The following SLC44A5 variants were observed in gnomAD, a reference collection of about 807,000 sequenced individuals.
The protein encoded by SLC44A5 is choline transporter-like protein 5.
Under a neutral mutation model 101.8 loss-of-function variants are expected in SLC44A5, and 57 were observed. The ratio of observed to expected loss-of-function variants is 0.56; its 90% CI spans 0.45 to 0.70. The LOEUF is 0.70. Among genes scored for constraint, SLC44A5 ranks in the 30% least tolerant of loss-of-function variants. SLC44A5 has a pLI of 0.00. For synonymous variants in SLC44A5, 281 were observed against 290.9 expected (o/e 0.97, Z 0.35); for missense variants, 737 against 853.1 (o/e 0.86, Z 1.70).
At chr1:75,330,966 CTTTT>C (rs71071941) in intron 4 of SLC44A5, among the ~76,000 whole-genome samples, 8 of 136,066 alleles carry the variant, frequency 5.9e-5, no homozygotes, top group Non-Finnish European at 3.2e-5. Context: ...AACTTTCTCT[CTTTT>C]TTTTTTTTTT....
Position 75,219,883 on chromosome 1 carries a change from TC to T in SLC44A5, c.1094del (p.Gly365AspfsTer7), listed in dbSNP as rs1360455402. 6.2e-7 allele frequency: 1 copy of T among 1,601,498 alleles called. No homozygotes were observed. Among genetic ancestry groups the T allele is most frequent in the Admixed American group, 1.7e-5 (1 of 58,864 alleles). ...GATAGACTAATGTACTAGGAACATA[TC>T]CAATGGCTCTGAAATAAAACAAATA... ...ILLKEGSKAI[G>X]YVPSTLVYPA... On this transcript the variant is annotated frameshift_variant, in exon 15 of 24. Transcript: ENST00000370859. LOFTEE classifies it high-confidence loss of function.
intron 7 of SLC44A5, among the ~76,000 whole-genome samples, chr1:75,249,083 T>C (rs1034919747): frequency 1.3e-5 from 2 of 152,088 alleles, no homozygotes; most frequent in Admixed American, 1.3e-4. Flanking sequence ...TTATTAATAC[T>C]GGAAAGGTCA....
chr1:75,608,333 G>GTGTGTGTGTGTGTGTGTGT (rs751818456), intron 1 of SLC44A5, among the ~76,000 whole-genome samples: 1 of 148,268 alleles, frequency 6.7e-6, no homozygotes, highest in Non-Finnish European at 1.5e-5. Flanking sequence ...TGAGGGGTAT[G>GTGTGTGTGTGTGTGTGTGT]TGTGTGTGTG....
At chr1:75,527,897 T>A (rs1020151785) in intron 2 of SLC44A5, among the ~76,000 whole-genome samples, 1 of 152,200 alleles carries the variant, frequency 6.6e-6, no homozygotes, top group Non-Finnish European at 1.5e-5. Context: ...ATTTTCCCCC[T>A]TTGCTCTTTC....
intron 1 of SLC44A5, among the ~76,000 whole-genome samples, chr1:75,563,231 G>A (rs565258842): frequency 5.6e-4 from 85 of 152,214 alleles, no homozygotes; most frequent in African/African-American, 1.9e-3. Context: ...AGTGGGAAAT[G>A]TAAAACTAAA....
chr1:75,661,589 A>C, the SLC44A5 span, among the ~76,000 whole-genome samples: 1 of 152,004 alleles, frequency 6.6e-6, no homozygotes, highest in African/African-American at 2.4e-5. Flanking sequence ...GAATGGGAGA[A>C]AATGTTTGCA....
At chr1:75,662,255 AG>A in the SLC44A5 span, among the ~76,000 whole-genome samples, 1 of 152,124 alleles carries the variant, frequency 6.6e-6, no homozygotes, top group African/African-American at 2.4e-5. Context: ...AGGCACTAAA[AG>A]ACACATATTG....
At position 75,276,232 on chromosome 1, in the gene SLC44A5, C is replaced by T. The variant is rs143407026; in HGVS notation, c.176-1190G>A. ...GACTCATTCGGGTAGCTCTCAGCTG[C>T]CGTATCTTCCCGTCTCTATTTCCCA... On this transcript the variant is annotated intron_variant, in intron 5 of 23. Transcript: ENST00000370859. 1.2e-3 allele frequency among the ~76,000 whole-genome samples: 182 copies of T among 152,170 alleles called. 3 individuals carry two copies. The highest frequency in any genetic ancestry group is 4.2e-3 in the African/African-American group (174 of 41,516).
chr1:75,214,083 G>T (rs998830752), intron 20 of SLC44A5, 94 bp from the exon 21 acceptor site: 1 of 786,788 alleles, frequency 1.3e-6, no homozygotes. Flanking sequence ...GTTTATTTTG[G>T]TGTGTCTTTG....
chr1:75,459,382 AC>A (rs1472154205), intron 2 of SLC44A5, among the ~76,000 whole-genome samples: 1 of 152,230 alleles, frequency 6.6e-6, no homozygotes, highest in Admixed American at 6.5e-5. Flanking sequence ...CTGAGCCTTG[AC>A]AAATGTACAT....
In SLC44A5 at chr1:75,446,484, A is replaced by C. The variant is rs182886191; in HGVS notation, c.14-49863T>G. On this transcript the variant is annotated intron_variant, in intron 2 of 23. Coordinates refer to ENST00000370859, the MANE Select transcript of SLC44A5 (RefSeq NM_001130058.2). ...GAGCTTACATTTTTATCCAAAAAAA[A>C]CCCTGTCTTCTTTATCTCTCCCTCT... Among the ~76,000 whole-genome samples, 609 of 152,256 alleles carry C rather than the reference A, an allele frequency of 4.0e-3. 5 individuals are homozygous for C. The highest frequency in any genetic ancestry group is 0.014 in the African/African-American group (583 of 41,540).
At chr1:75,686,492 T>C in the SLC44A5 span, among the ~76,000 whole-genome samples, 1 of 152,194 alleles carries the variant, frequency 6.6e-6, no homozygotes, top group Admixed American at 6.5e-5. Flanking sequence ...AGGAGTGTTT[T>C]TGGCCTTTTG....
intron 4 of SLC44A5, among the ~76,000 whole-genome samples, chr1:75,320,377 G>C (rs1656048238): frequency 6.6e-6 from 1 of 151,834 alleles, no homozygotes; most frequent in Non-Finnish European, 1.5e-5. Flanking sequence ...TTTGAAAGGG[G>C]GATTTTATAA....
the SLC44A5 span, among the ~76,000 whole-genome samples, chr1:75,664,481 A>C: frequency 6.6e-6 from 1 of 152,196 alleles, no homozygotes; most frequent in Non-Finnish European, 1.5e-5. Context: ...ATACAAAATC[A>C]ATGTACAAAA....
chr1:75,517,765 C>A lies in SLC44A5; in HGVS notation c.13+23670G>T, dbSNP rs142992196. On this transcript the variant is annotated intron_variant, in intron 2 of 23. Coordinates refer to ENST00000370859, the MANE Select transcript of SLC44A5 (RefSeq NM_001130058.2). ...AGAAAAAATATTTCTTGAACATCAA[C>A]GATTCTATCATCAGCATCTCTAAGA... Among the ~76,000 whole-genome samples the A allele has an allele frequency of 3.4e-3, 523 of 152,302 alleles. 2 individuals are homozygous for A. Among genetic ancestry groups the A allele is most frequent in the Non-Finnish European group, 5.3e-3 (358 of 68,014 alleles).
At chr1:75,614,701 T>C (rs1675791236), upstream of SLC44A5, among the ~76,000 whole-genome samples, 1 of 152,190 alleles carries the variant, frequency 6.6e-6, no homozygotes, top group African/African-American at 2.4e-5. Context: ...TCCTTTTTTA[T>C]ATAACCCCAA....
At chr1:75,585,604 C>T (rs971641994) in intron 1 of SLC44A5, among the ~76,000 whole-genome samples, 5 of 152,076 alleles carry the variant, frequency 3.3e-5, no homozygotes, top group African/African-American at 1.2e-4. Context: ...CCACTATGCT[C>T]CCTCTGAGGG....
At chr1:75,391,355 C>A (rs1661774888) in intron 3 of SLC44A5, among the ~76,000 whole-genome samples, 5 of 152,032 alleles carry the variant, frequency 3.3e-5, no homozygotes, top group Admixed American at 3.3e-4. Flanking sequence ...AAAAACTAAT[C>A]TAAAATTTAT....
At chr1:75,642,048 T>C in the SLC44A5 span, 1 of 1,376,522 alleles carries the variant, frequency 7.3e-7, no homozygotes, top group Non-Finnish European at 1.0e-6. Flanking sequence ...TTTATTTCTG[T>C]GTCTTCTGGT....
Sources: gnomAD v4.1 joint callset for allele counts (sites outside exome capture counted in the v4.1 genomes callset) on GRCh38, gnomAD v4.1.1 for gene constraint, MANE v1.5 for transcripts, NCBI Gene and HGNC (gene_info 2026-07-23, HGNC 2026-07-21) for gene names.